SMARCD3: variants seen among roughly 807,000 people sequenced by gnomAD.
SMARCD3 encodes the protein SWI/SNF-related matrix-associated actin-dependent regulator of chromatin subfamily D member 3.
In SMARCD3, 14 loss-of-function variants were observed where a neutral mutation model predicts 58.0. The observed-to-expected ratio is 0.24, with a 90% CI of 0.16 to 0.38. SMARCD3 has a LOEUF of 0.38. Ranked by LOEUF, SMARCD3 falls within the 10% of genes least tolerant of loss-of-function variation. The pLI is 1.00. For missense variants in SMARCD3, 408 were observed against 636.9 expected, an observed-to-expected ratio of 0.64 and a Z score of 3.87; for synonymous variants, 253 against 253.8, an observed-to-expected ratio of 1.00 and a Z score of 0.03.
intron 1 of SMARCD3, among the ~76,000 whole-genome samples, chr7:151,275,429 A>T (rs2072297): frequency 0.17 from 26,400 of 152,096 alleles, 2,459 homozygotes; most frequent in African/African-American, 0.23. Context: ...GGCACAAGGC[A>T]GGGCGCAGGT....
chr7:151,254,676 A>G (rs1475910671), intron 2 of SMARCD3, among the ~76,000 whole-genome samples: 2 of 151,964 alleles, frequency 1.3e-5, no homozygotes, highest in African/African-American at 4.8e-5. Flanking sequence ...CCATTCTGGT[A>G]CCTCCAATTC....
rs973394659 is a variant in SMARCD3 at position 151,248,220 on chromosome 7, G to T, written c.78+265C>A. Among the ~76,000 whole-genome samples, 1 of 152,014 alleles carries T rather than the reference G, an allele frequency of 6.6e-6. No individual in the cohort carries two copies. The highest frequency in any genetic ancestry group is 2.4e-5 in the African/African-American group (1 of 41,410). On this transcript the variant is annotated intron_variant, in intron 1 of 12. Transcript: ENST00000262188. This position sits in a 1 kb window ranked among gnomAD's most constrained non-coding sequence, Gnocchi z 6.1. ...ACAGCGAGGACCCCCTACTTGGGGG[G>T]TAGAGTCCCCAAGTCCCACCCCCGC...
At chr7:151,260,452 G>T (rs1218126756) in intron 2 of SMARCD3, among the ~76,000 whole-genome samples, 1 of 152,084 alleles carries the variant, frequency 6.6e-6, no homozygotes, top group Non-Finnish European at 1.5e-5. Flanking sequence ...ATTTGAGAAG[G>T]TTCCCTTTGT....
chr7:151,267,252 C>G (rs1795021206), intron 2 of SMARCD3, among the ~76,000 whole-genome samples: 1 of 152,198 alleles, frequency 6.6e-6, no homozygotes, highest in African/African-American at 2.4e-5. Flanking sequence ...CAATTTGGTT[C>G]TCTCCACACT....
chr7:151,247,529 C>T (rs1279222908), intron 1 of SMARCD3, among the ~76,000 whole-genome samples: 8 of 152,134 alleles, frequency 5.3e-5, no homozygotes, highest in Admixed American at 2.6e-4. Context: ...GCCCCATCCC[C>T]ATGAAAGGCC....
At chr7:151,271,482 A>G (rs1795172629) in intron 2 of SMARCD3, among the ~76,000 whole-genome samples, 1 of 151,986 alleles carries the variant, frequency 6.6e-6, no homozygotes, top group African/African-American at 2.4e-5. Context: ...AAAGACCAGG[A>G]CTGGTCCCTC....
At position 151,240,373 on chromosome 7, in the gene SMARCD3, G is replaced by T. The variant is rs566860670; in HGVS notation, c.1037+52C>A. 1.9e-6 allele frequency: 3 copies of T among 1,579,520 alleles called. No homozygotes were observed. The South Asian group carries it at 3.3e-5, about 18-fold the overall frequency. On this transcript the variant is annotated intron_variant, in intron 9 of 12. Coordinates refer to ENST00000262188, the MANE Select transcript of SMARCD3 (RefSeq NM_001003801.2). ...TGGGAGGAGAGGGAGGGGCAGGGAAGGCAGGAACGAGATCATTCCCTGGTC... is the reference window on the plus strand; with the variant it reads ...TGGGAGGAGAGGGAGGGGCAGGGAATGCAGGAACGAGATCATTCCCTGGTC...
Position 151,248,416 on chromosome 7 carries a change from T to G in SMARCD3, c.78+69A>C. 3 of 1,293,468 alleles carry G rather than the reference T, an allele frequency of 2.3e-6. No homozygotes were observed. Among genetic ancestry groups the G allele is most frequent in the Non-Finnish European group, 3.3e-6 (3 of 902,990 alleles). 80.1% of individuals were successfully genotyped at this position (1,293,468 alleles called of 1,614,324 possible). A position where few individuals can be genotyped will look rare whatever the true frequency, so the allele number is the denominator to read the frequency against. ...AGAGCGGGAGCGCCCTCCCGGCCCCTCCCGATCAGCCCTCCATTCAGCCCG... is the reference window on the plus strand; with the variant it reads ...AGAGCGGGAGCGCCCTCCCGGCCCCGCCCGATCAGCCCTCCATTCAGCCCG... On this transcript the variant is annotated intron_variant, in intron 1 of 12. Transcript: ENST00000262188. The surrounding 1 kb of genome is among the most constrained non-coding windows in gnomAD (Gnocchi z 6.1).
At position 151,241,342 on chromosome 7, in the gene SMARCD3, C is replaced by G. The variant is rs1044952735; in HGVS notation, c.939+150G>C. ...GTAGGGCCTGAACTAGAATCCTGGTCGGTCTCTTGGCTCCAAGACCATGAC... is the reference window on the plus strand; with the variant it reads ...GTAGGGCCTGAACTAGAATCCTGGTGGGTCTCTTGGCTCCAAGACCATGAC... On this transcript the variant is annotated intron_variant, in intron 8 of 12. Coordinates refer to ENST00000262188, the MANE Select transcript of SMARCD3 (RefSeq NM_001003801.2). This position sits in a 1 kb window ranked among gnomAD's most constrained non-coding sequence, Gnocchi z 5.3. 4.1e-6 allele frequency: 3 copies of G among 735,722 alleles called. No homozygotes were observed. Among genetic ancestry groups the G allele is most frequent in the African/African-American group, 3.5e-5 (2 of 57,812 alleles). The allele number at this position is 735,722 out of a possible 1,614,324, so 45.6% of individuals were successfully genotyped here.
In SMARCD3 at chr7:151,248,428, C is replaced by T; in HGVS notation, c.78+57G>A. 6.8e-7 allele frequency: 1 copy of T among 1,473,666 alleles called. No individual in the cohort carries two copies. The highest frequency in any genetic ancestry group is 9.5e-7 in the Non-Finnish European group (1 of 1,057,546). 91.3% of individuals were successfully genotyped at this position (1,473,666 alleles called of 1,614,324 possible). On this transcript the variant is annotated intron_variant, in intron 1 of 12. Coordinates refer to ENST00000262188, the MANE Select transcript of SMARCD3 (RefSeq NM_001003801.2). The surrounding 1 kb of genome is among the most constrained non-coding windows in gnomAD (Gnocchi z 6.1). ...CCCTCCCGGCCCCTCCCGATCAGCC[C>T]TCCATTCAGCCCGAGCCAGCTCGCT...
At chr7:151,262,440 G>C (rs1304664170) in intron 2 of SMARCD3, among the ~76,000 whole-genome samples, 1 of 152,224 alleles carries the variant, frequency 6.6e-6, no homozygotes, top group Non-Finnish European at 1.5e-5. Flanking sequence ...AAAAGCTGAG[G>C]TTTGGGAACT....
At chr7:151,257,871 G>A (rs1488539632) in intron 2 of SMARCD3, among the ~76,000 whole-genome samples, 1 of 151,928 alleles carries the variant, frequency 6.6e-6, no homozygotes, top group Non-Finnish European at 1.5e-5. Context: ...CCCGTATGTC[G>A]GCAGCTCCCA....
chr7:151,242,107 A>AGGCCAG lies in SMARCD3; in HGVS notation c.675+29_675+30insCTGGCC. ...GATTCTGGCCTGTGGGAGGGTGGCA[A>AGGCCAG]TTCAAGGGCGGAGGGGCTCTTGGTC... On this transcript the variant is annotated intron_variant, in intron 6 of 12. Coordinates refer to ENST00000262188, the MANE Select transcript of SMARCD3 (RefSeq NM_001003801.2). The surrounding 1 kb of genome is among the most constrained non-coding windows in gnomAD (Gnocchi z 4.7). 1.9e-6 allele frequency: 3 copies of AGGCCAG among 1,579,546 alleles called. No individual in the cohort carries two copies. The highest frequency in any genetic ancestry group is 4.5e-5 in the East Asian group (2 of 44,714).
Position 151,239,356 on chromosome 7 carries a change from T to C in SMARCD3, c.1398+40A>G. 6.6e-7 allele frequency: 1 copy of C among 1,525,888 alleles called. No individual in the cohort carries two copies. The highest frequency in any genetic ancestry group is 9.1e-7 in the Non-Finnish European group (1 of 1,100,642). The allele number at this position is 1,525,888 out of a possible 1,614,324, so 94.5% of individuals were successfully genotyped here. A position where few individuals can be genotyped will look rare whatever the true frequency, so the allele number is the denominator to read the frequency against. On this transcript the variant is annotated intron_variant, in intron 12 of 12. Coordinates refer to ENST00000262188, the MANE Select transcript of SMARCD3 (RefSeq NM_001003801.2). This position sits in a 1 kb window ranked among gnomAD's most constrained non-coding sequence, Gnocchi z 7.0. The stretch of plus-strand genomic sequence containing the variant: ...CTGAACAGGGAGGTTTCTCTTGGAG[T>C]TGAGGATGGGGAAGCCTCAGGGCAA...
chr7:151,264,777 G>C (rs752866404), intron 2 of SMARCD3, among the ~76,000 whole-genome samples: 1 of 152,208 alleles, frequency 6.6e-6, no homozygotes, highest in Non-Finnish European at 1.5e-5. Flanking sequence ...GCGGTGGAGG[G>C]GGAGCAGACC....
In SMARCD3 at chr7:151,245,627, CG is replaced by C; in HGVS notation, c.122del (p.Ala41GlyfsTer107). 2.5e-6 allele frequency: 3 copies of C among 1,185,984 alleles called. No individual in the cohort carries two copies. Among genetic ancestry groups the C allele is most frequent in the Non-Finnish European group, 3.2e-6 (3 of 946,858 alleles). The allele number at this position is 1,185,984 out of a possible 1,614,324, so 73.5% of individuals were successfully genotyped here. On this transcript the variant is annotated frameshift_variant, in exon 2 of 13. Coordinates refer to ENST00000262188, the MANE Select transcript of SMARCD3 (RefSeq NM_001003801.2). LOFTEE classifies it high-confidence loss of function. The surrounding 1 kb of genome is among the most constrained non-coding windows in gnomAD (Gnocchi z 6.2). ...PSGARMPHQG[A>X]PMGPPGSPYM... ...ACGGGGAGCCCGGGGGGCCCATGGGCGCCCCCTGGTGGGGCATCCGGGCTCC... is the reference window on the plus strand; with the variant it reads ...ACGGGGAGCCCGGGGGGCCCATGGGCCCCCCTGGTGGGGCATCCGGGCTCC...
intron 2 of SMARCD3, among the ~76,000 whole-genome samples, chr7:151,255,378 G>A (rs568238600): frequency 6.6e-6 from 1 of 152,298 alleles, no homozygotes; most frequent in South Asian, 2.1e-4. Context: ...GCCTAAGGGT[G>A]GGTATGGCCC....
At chr7:151,273,347 C>A (rs934429901) in intron 2 of SMARCD3, among the ~76,000 whole-genome samples, 5 of 152,184 alleles carry the variant, frequency 3.3e-5, no homozygotes, top group Admixed American at 1.3e-4. Context: ...CTGGAACAGC[C>A]CAAGGCTCCC....
Position 151,248,599 on chromosome 7 carries a change from CTCTT to C in SMARCD3, c.-41_-38del, listed in dbSNP as rs1401401726. The stretch of plus-strand genomic sequence containing the variant: ...CAGCGGCTCCTCTCACTCTCTCTCT[CTCTT>C]CCTCTTTCTTTCCCTTTTCTGCCTT... On this transcript the variant is annotated 5_prime_UTR_variant, in exon 1 of 13. Coordinates refer to ENST00000262188, the MANE Select transcript of SMARCD3 (RefSeq NM_001003801.2). This position sits in a 1 kb window ranked among gnomAD's most constrained non-coding sequence, Gnocchi z 6.1. 1 of 1,611,688 alleles carries C rather than the reference CTCTT, an allele frequency of 6.2e-7. No homozygotes were observed. The highest frequency in any genetic ancestry group is 1.7e-5 in the Admixed American group (1 of 59,908).
Sources: allele counts gnomAD v4.1 joint callset (sites outside exome capture counted in the v4.1 genomes callset), GRCh38; gene constraint gnomAD v4.1.1; non-coding constraint Gnocchi (gnomAD v3.1); transcripts MANE v1.5; gene names NCBI Gene and HGNC (gene_info 2026-07-23, HGNC 2026-07-21).